Variants in GPR39 observed in about 807,000 individuals in gnomAD.
GPR39 encodes the protein zinc sensing receptor.
Under a neutral mutation model 18.4 loss-of-function variants are expected in GPR39, and 23 were observed. The observed-to-expected ratio is 1.25, with a 90% confidence interval of 0.90 to 1.77. The LOEUF (loss-of-function observed/expected upper bound fraction) is 1.77, where lower values mean the gene tolerates loss of function less well. Among genes scored for constraint, GPR39 ranks in the 40% most tolerant of loss-of-function variants. The pLI is 0.00. For missense variants in GPR39, 647 were observed against 602.4 expected, an observed-to-expected ratio of 1.07 and a Z score of -0.78; for synonymous variants, 280 against 257.9, an observed-to-expected ratio of 1.09 and a Z score of -0.82.
At chr2:132,626,684 T>TC (rs1273449027) in intron 1 of GPR39, among the ~76,000 whole-genome samples, 3 of 152,112 alleles carry the variant, frequency 2.0e-5, no homozygotes, top group African/African-American at 7.2e-5. Flanking sequence ...CAAAAGGAAA[T>TC]GTCTGTTTAT....
At chr2:132,583,605 T>G (rs990225547) in intron 1 of GPR39, among the ~76,000 whole-genome samples, 1 of 151,930 alleles carries the variant, frequency 6.6e-6, no homozygotes, top group African/African-American at 2.4e-5. Flanking sequence ...TAGTGGCTAA[T>G]TAAGAATGGG....
Position 132,434,488 on chromosome 2 carries a change from C to T in GPR39, c.856+16590C>T, listed in dbSNP as rs571736871. Among the ~76,000 whole-genome samples the T allele has an allele frequency of 3.3e-5, 5 of 152,268 alleles. No individual in the cohort carries two copies. The South Asian group carries it at 1.0e-3, about 32-fold the overall frequency. ...TTTTAATATTGGACAGTGCCCTTGG[C>T]CACTCAGAGCCCCATGAGGTCAACA... On this transcript the variant is annotated intron_variant, in intron 1 of 1. Transcript: ENST00000329321.
In GPR39 at chr2:132,438,125, T is replaced by G. The variant is rs561535904; in HGVS notation, c.856+20227T>G. On this transcript the variant is annotated intron_variant, in intron 1 of 1. Coordinates refer to ENST00000329321, the MANE Select transcript of GPR39 (RefSeq NM_001508.3). ...TTCCTGGAGGAGGCAGCATTTAATC[T>G]GAAGCAGGTATTTTCAGTTCCTGAC... is the stretch of plus-strand genomic sequence containing the variant. Among the ~76,000 whole-genome samples, 18 of 152,318 alleles carry G rather than the reference T, an allele frequency of 1.2e-4. 1 individual carries two copies. The South Asian group carries it at 3.5e-3, about 30-fold the overall frequency.
chr2:132,558,606 G>A (rs1175879289), intron 1 of GPR39, among the ~76,000 whole-genome samples: 1 of 152,092 alleles, frequency 6.6e-6, no homozygotes, highest in Non-Finnish European at 1.5e-5. Flanking sequence ...TTGAGATGAG[G>A]TCGGGGGAAA....
intron 1 of GPR39, among the ~76,000 whole-genome samples, chr2:132,538,289 T>C (rs554895176): frequency 6.6e-6 from 1 of 152,346 alleles, no homozygotes; most frequent in South Asian, 2.1e-4. Flanking sequence ...TAGTTTTTCT[T>C]CCAACAGGCA....
At position 132,646,183 on chromosome 2, in the gene GPR39, A is replaced by C. The variant is rs766399753; in HGVS notation, c.*577A>C. 1 of 1,610,256 alleles carries C rather than the reference A, an allele frequency of 6.2e-7. No homozygotes were observed. The highest frequency in any genetic ancestry group is 2.2e-5 in the East Asian group (1 of 44,734). ...GAGGGGTGTTGCAGCAGCTGATGCA[A>C]ACTGAGTTCAGTTTCCCTGGGGAGC... On this transcript the variant is annotated 3_prime_UTR_variant, in exon 2 of 2. Transcript: ENST00000329321.
intron 1 of GPR39, among the ~76,000 whole-genome samples, chr2:132,477,865 A>G (rs1302635513): frequency 6.6e-6 from 1 of 152,238 alleles, no homozygotes; most frequent in Non-Finnish European, 1.5e-5. Context: ...AATTGATCAC[A>G]TAATGGCTAC....
At chr2:132,593,339 C>T (rs1003822763) in intron 1 of GPR39, among the ~76,000 whole-genome samples, 2 of 152,170 alleles carry the variant, frequency 1.3e-5, no homozygotes, top group Non-Finnish European at 2.9e-5. Context: ...GTCCCAACCC[C>T]CTAATCACAT....
intron 1 of GPR39, among the ~76,000 whole-genome samples, chr2:132,602,632 A>C (rs1441317572): frequency 6.6e-6 from 1 of 152,138 alleles, no homozygotes; most frequent in Non-Finnish European, 1.5e-5. Flanking sequence ...TTTGCAAACT[A>C]TACATCCAGC....
chr2:132,565,300 C>T (rs539658579), intron 1 of GPR39, among the ~76,000 whole-genome samples: 2 of 151,940 alleles, frequency 1.3e-5, no homozygotes, highest in Admixed American at 6.5e-5. Context: ...AAACATCGCT[C>T]AAGTTGCAGT....
intron 1 of GPR39, among the ~76,000 whole-genome samples, chr2:132,595,300 C>A (rs80060263): frequency 2.6e-5 from 4 of 152,092 alleles, no homozygotes; most frequent in African/African-American, 7.2e-5. Context: ...CCGTGCCTGG[C>A]CTTTTTTTCA....
intron 1 of GPR39, among the ~76,000 whole-genome samples, chr2:132,585,365 C>T (rs1281697799): frequency 1.3e-5 from 2 of 152,148 alleles, no homozygotes; most frequent in African/African-American, 2.4e-5. Context: ...GAAGAGTCAC[C>T]TCCTGCCCAC....
intron 1 of GPR39, among the ~76,000 whole-genome samples, chr2:132,458,633 A>G (rs1304617391): frequency 6.6e-6 from 1 of 151,594 alleles, no homozygotes; most frequent in South Asian, 2.1e-4. Context: ...TATTTTTCCT[A>G]TAATATTGCT....
intron 1 of GPR39, among the ~76,000 whole-genome samples, chr2:132,507,991 C>T (rs1679166521): frequency 6.6e-6 from 1 of 152,272 alleles, no homozygotes; most frequent in African/African-American, 2.4e-5. Flanking sequence ...GAATCGTTGG[C>T]CATGTGACTG....
At chr2:132,574,236 G>T (rs4374429) in intron 1 of GPR39, among the ~76,000 whole-genome samples, 7,672 of 152,110 alleles carry the variant, frequency 0.05, 601 homozygotes, top group African/African-American at 0.17. Flanking sequence ...ATTCATTTTT[G>T]CCAGCATTGA....
At chr2:132,472,541 C>T (rs547151066) in intron 1 of GPR39, among the ~76,000 whole-genome samples, 1 of 152,256 alleles carries the variant, frequency 6.6e-6, no homozygotes, top group African/African-American at 2.4e-5. Context: ...TCCTGCAACT[C>T]ACCTGTGAAC....
intron 1 of GPR39, among the ~76,000 whole-genome samples, chr2:132,427,889 A>T (rs924541716): frequency 3.5e-5 from 5 of 142,282 alleles, no homozygotes; most frequent in Non-Finnish European, 6.1e-5. Flanking sequence ...ATATATATAT[A>T]ATATATATAT....
intron 1 of GPR39, among the ~76,000 whole-genome samples, chr2:132,470,018 C>A (rs1681001857): frequency 6.6e-6 from 1 of 152,132 alleles, no homozygotes; most frequent in African/African-American, 2.4e-5. Flanking sequence ...TGGGATGCAG[C>A]AGGGGATTAA....
At chr2:132,465,406 C>T (rs1418407492) in intron 1 of GPR39, among the ~76,000 whole-genome samples, 1 of 152,184 alleles carries the variant, frequency 6.6e-6, no homozygotes, top group Non-Finnish European at 1.5e-5. Context: ...GCAACTTCCC[C>T]TAGTCTCCCT....
Sources: gnomAD v4.1 joint callset for allele counts (sites outside exome capture counted in the v4.1 genomes callset) on GRCh38, gnomAD v4.1.1 for gene constraint, MANE v1.5 for transcripts, NCBI Gene and HGNC (gene_info 2026-07-23, HGNC 2026-07-21) for gene names.